EFNA2: variants seen among roughly 807,000 people sequenced by gnomAD.
The protein encoded by EFNA2 is ephrin-A2.
Under a neutral mutation model 19.7 loss-of-function variants are expected in EFNA2, and 18 were observed. That is an observed-to-expected ratio of 0.91 (90% CI 0.63 to 1.35). The LOEUF (loss-of-function observed/expected upper bound fraction) is 1.35. Ranked by LOEUF, EFNA2 falls within the 40% of genes most tolerant of loss-of-function variation. The pLI is 0.00. For synonymous variants in EFNA2, 187 were observed against 137.8 expected, an observed-to-expected ratio of 1.36 and a Z score of -2.50; for missense variants, 303 against 296.0, an observed-to-expected ratio of 1.02 and a Z score of -0.17.
rs2081510463 is a variant in EFNA2 at position 1,295,620 on chromosome 19, C to T, written c.216C>T (p.Tyr72=). The T allele has an allele frequency of 6.2e-7, 1 of 1,611,550 alleles. No homozygotes were observed. Among genetic ancestry groups the T allele is most frequent in the African/African-American group, 1.3e-5 (1 of 74,808 alleles). Residue 72 remains tyrosine (Y), a synonymous_variant, in exon 2 of 4, where the codon TAC becomes TAT. Transcript: ENST00000215368. This position sits in a 1 kb window ranked among gnomAD's most constrained non-coding sequence, Gnocchi z 5.8. ...GCATCAATGACTACCTGGACATCTACTGCCCGCACTATGGGGCGCCGCTGC... is the reference window on the plus strand; with the variant it reads ...GCATCAATGACTACCTGGACATCTATTGCCCGCACTATGGGGCGCCGCTGC... ...EVSINDYLDI[Y]CPHYGAPLPP...
chr19:1,300,119 C>A lies in EFNA2; in HGVS notation c.*174C>A. ...GGCCATCCACCCGCCCCAGGACCAG[C>A]CCTCAGGGAGGGGAAACGGCCGAGA... is the stretch of plus-strand genomic sequence containing the variant. On this transcript the variant is annotated 3_prime_UTR_variant, in exon 4 of 4. Coordinates refer to ENST00000215368, the MANE Select transcript of EFNA2 (RefSeq NM_001405.4). The A allele has an allele frequency of 1.0e-6, 1 of 954,908 alleles. No individual in the cohort carries two copies. Among genetic ancestry groups the A allele is most frequent in the Non-Finnish European group, 1.5e-6 (1 of 685,348 alleles). The allele number at this position is 954,908 out of a possible 1,614,324, so 59.2% of individuals were successfully genotyped here. A position where few individuals can be genotyped will look rare whatever the true frequency, so the allele number is the denominator to read the frequency against.
rs1346654405 is a variant in EFNA2 at position 1,295,954 on chromosome 19, GAGTGGGCGGGGCAGCGC to G, written c.454+109_454+125del. On this transcript the variant is annotated intron_variant, in intron 2 of 3. Coordinates refer to ENST00000215368, the MANE Select transcript of EFNA2 (RefSeq NM_001405.4). The surrounding 1 kb of genome is among the most constrained non-coding windows in gnomAD (Gnocchi z 5.8). ...GCGGGACCACTGGGGTGGGGCCGGG[GAGTGGGCGGGGCAGCGC>G]AGTGGGCGGGGCCGCGGTGTGGGGC... The G allele has an allele frequency of 9.5e-6, 10 of 1,051,786 alleles. No homozygotes were observed. Among genetic ancestry groups the G allele is most frequent in the Admixed American group, 8.1e-5 (2 of 24,718 alleles). The allele number at this position is 1,051,786 out of a possible 1,614,324, so 65.2% of individuals were successfully genotyped here. A position where few individuals can be genotyped will look rare whatever the true frequency, so the allele number is the denominator to read the frequency against.
chr19:1,287,637 G>T lies in EFNA2; in HGVS notation c.140+1329G>T, dbSNP rs1425703035. 6.6e-6 allele frequency among the ~76,000 whole-genome samples: 1 copy of T among 152,084 alleles called. No homozygotes were observed. The highest frequency in any genetic ancestry group is 1.5e-5 in the Non-Finnish European group (1 of 68,002). On this transcript the variant is annotated intron_variant, in intron 1 of 3. Transcript: ENST00000215368. The surrounding 1 kb of genome is among the most constrained non-coding windows in gnomAD (Gnocchi z 6.2). ...ACCCTGGTCAACGGCCTCGGGTCGGGCCCTGGGGGCTGAGGGCAGGGACCC... is the reference window on the plus strand; with the variant it reads ...ACCCTGGTCAACGGCCTCGGGTCGGTCCCTGGGGGCTGAGGGCAGGGACCC...
At chr19:1,298,664 C>A in intron 3 of EFNA2, 48 bp downstream of exon 3, 2 of 1,599,790 alleles carry the variant, frequency 1.3e-6, no homozygotes, top group South Asian at 1.1e-5. Flanking sequence ...ACCCCTGTGT[C>A]CTAAACCCAC....
chr19:1,300,118 G>A lies in EFNA2; in HGVS notation c.*173G>A, dbSNP rs2081534275. 1.0e-6 allele frequency: 1 copy of A among 954,426 alleles called. No individual in the cohort carries two copies. The allele number at this position is 954,426 out of a possible 1,614,324, so 59.1% of individuals were successfully genotyped here. A position where few individuals can be genotyped will look rare whatever the true frequency, so the allele number is the denominator to read the frequency against. ...GGGCCATCCACCCGCCCCAGGACCA[G>A]CCCTCAGGGAGGGGAAACGGCCGAG... is the stretch of plus-strand genomic sequence containing the variant. On this transcript the variant is annotated 3_prime_UTR_variant, in exon 4 of 4. Coordinates refer to ENST00000215368, the MANE Select transcript of EFNA2 (RefSeq NM_001405.4).
At chr19:1,291,610 G>A (rs1329390423) in intron 1 of EFNA2, among the ~76,000 whole-genome samples, 3 of 152,222 alleles carry the variant, frequency 2.0e-5, no homozygotes, top group Non-Finnish European at 4.4e-5. Context: ...GAAGAGAGAT[G>A]CAGACGGGTG....
Position 1,295,879 on chromosome 19 carries a change from G to T in EFNA2, c.454+21G>T, listed in dbSNP as rs368494659. Reference sequence around the variant, plus strand: ...CATCTGTGAGTGGGGTCGGGCCGGGGCTGCCGGGGCCCGAGTGGGCGGGGA... The same window carrying T: ...CATCTGTGAGTGGGGTCGGGCCGGGTCTGCCGGGGCCCGAGTGGGCGGGGA... On this transcript the variant is annotated intron_variant, in intron 2 of 3. Transcript: ENST00000215368. The surrounding 1 kb of genome is among the most constrained non-coding windows in gnomAD (Gnocchi z 5.8). The T allele has an allele frequency of 1.9e-6, 3 of 1,558,498 alleles. No homozygotes were observed. The highest frequency in any genetic ancestry group is 2.6e-6 in the Non-Finnish European group (3 of 1,160,784).
chr19:1,286,392 G>C lies in EFNA2; in HGVS notation c.140+84G>C. ...CCCGGCCTCGCGCCCCCGGAGCTCC[G>C]GGCGCCCCCCACGCGCGCGCCGCCG... On this transcript the variant is annotated intron_variant, in intron 1 of 3. Transcript: ENST00000215368. The surrounding 1 kb of genome is among the most constrained non-coding windows in gnomAD (Gnocchi z 5.6). The C allele has an allele frequency of 1.5e-6, 1 of 664,168 alleles. No individual in the cohort carries two copies. The highest frequency in any genetic ancestry group is 1.9e-6 in the Non-Finnish European group (1 of 540,088). The allele number at this position is 664,168 out of a possible 1,614,324, so 41.1% of individuals were successfully genotyped here.
upstream of EFNA2, among the ~76,000 whole-genome samples, chr19:1,284,846 A>G (rs1036352630): frequency 4.6e-5 from 7 of 152,260 alleles, no homozygotes; most frequent in Non-Finnish European, 1.0e-4. This position sits in a 1 kb window ranked among gnomAD's most constrained non-coding sequence, Gnocchi z 5.3. Context: ...TCAGAGACGT[A>G]CAACACGATC....
chr19:1,295,503 C>T lies in EFNA2; in HGVS notation c.141-42C>T, dbSNP rs1466640730. On this transcript the variant is annotated intron_variant, in intron 1 of 3. Transcript: ENST00000215368. The surrounding 1 kb of genome is among the most constrained non-coding windows in gnomAD (Gnocchi z 5.8). ...CGCGCACCCCGACCCGTGCCCCGTT[C>T]CTCGCTCCGGGCGCTGACCTCTGGC... The T allele has an allele frequency of 1.0e-5, 15 of 1,497,128 alleles. No individual in the cohort carries two copies. The highest frequency in any genetic ancestry group is 1.4e-5 in the African/African-American group (1 of 69,858). The allele number at this position is 1,497,128 out of a possible 1,614,324, so 92.7% of individuals were successfully genotyped here. A position where few individuals can be genotyped will look rare whatever the true frequency, so the allele number is the denominator to read the frequency against.
At chr19:1,289,571 C>T (rs942046554) in intron 1 of EFNA2, among the ~76,000 whole-genome samples, 6 of 152,180 alleles carry the variant, frequency 3.9e-5, no homozygotes, top group Non-Finnish European at 7.4e-5. Flanking sequence ...CTGTGGTCCC[C>T]GGGAGTCCCC....
rs530188185 is a variant in EFNA2, at chr19:1,287,060, C to T, written c.140+752C>T. 1.6e-4 allele frequency among the ~76,000 whole-genome samples: 24 copies of T among 152,334 alleles called. No homozygotes were observed. The highest frequency in any genetic ancestry group is 1.5e-3 in the Admixed American group (23 of 15,310). On this transcript the variant is annotated intron_variant, in intron 1 of 3. Coordinates refer to ENST00000215368, the MANE Select transcript of EFNA2 (RefSeq NM_001405.4). The surrounding 1 kb of genome is among the most constrained non-coding windows in gnomAD (Gnocchi z 6.2). Reference sequence around the variant, plus strand: ...GGCCCAGTGCCCTGCCTGCCACGCCCGGCCGAGATGCCGCACCCGCCTGCT... The same window carrying T: ...GGCCCAGTGCCCTGCCTGCCACGCCTGGCCGAGATGCCGCACCCGCCTGCT...
At chr19:1,284,483 C>A (rs993884368), upstream of EFNA2, among the ~76,000 whole-genome samples, 1 of 152,246 alleles carries the variant, frequency 6.6e-6, no homozygotes, top group African/African-American at 2.4e-5. The surrounding 1 kb of genome is among the most constrained non-coding windows in gnomAD (Gnocchi z 5.3). Flanking sequence ...TGGGACAGAC[C>A]TTTCTGGAAG....
At chr19:1,284,949 G>A (rs1283308197), upstream of EFNA2, among the ~76,000 whole-genome samples, 3 of 152,188 alleles carry the variant, frequency 2.0e-5, no homozygotes, top group African/African-American at 7.2e-5. This position sits in a 1 kb window ranked among gnomAD's most constrained non-coding sequence, Gnocchi z 5.3. Flanking sequence ...CATGAATAAG[G>A]GCAAAAACAG....
At chr19:1,293,013 G>T (rs1311203471) in intron 1 of EFNA2, among the ~76,000 whole-genome samples, 2 of 152,212 alleles carry the variant, frequency 1.3e-5, no homozygotes, top group Non-Finnish European at 2.9e-5. Flanking sequence ...ACTTTCAGAG[G>T]CTGCTCTGTC....
At position 1,287,468 on chromosome 19, in the gene EFNA2, A is replaced by G. The variant is rs1203517385; in HGVS notation, c.140+1160A>G. On this transcript the variant is annotated intron_variant, in intron 1 of 3. Coordinates refer to ENST00000215368, the MANE Select transcript of EFNA2 (RefSeq NM_001405.4). This position sits in a 1 kb window ranked among gnomAD's most constrained non-coding sequence, Gnocchi z 6.2. ...ACCGAGCCGCCCTCTGGAGCCCGCC[A>G]CCCCTCCTTGTCCCCTCTGTCTCCT... 6.6e-6 allele frequency among the ~76,000 whole-genome samples: 1 copy of G among 151,360 alleles called. No individual in the cohort carries two copies. Among genetic ancestry groups the G allele is most frequent in the East Asian group, 2.0e-4 (1 of 5,116 alleles).
At chr19:1,290,838 C>T (rs1600056251) in intron 1 of EFNA2, among the ~76,000 whole-genome samples, 2 of 152,176 alleles carry the variant, frequency 1.3e-5, no homozygotes, top group South Asian at 4.1e-4. Context: ...GAGGAGCAGA[C>T]GAGCCGGCGG....
At position 1,286,177 on chromosome 19, in the gene EFNA2, C is replaced by G; in HGVS notation, c.9C>G (p.Pro3=). The change falls in exon 1 of 4, where the codon CCC becomes CCG. Residue 3 remains proline (P), a synonymous_variant. Coordinates refer to ENST00000215368, the MANE Select transcript of EFNA2 (RefSeq NM_001405.4). The surrounding 1 kb of genome is among the most constrained non-coding windows in gnomAD (Gnocchi z 5.6). The part of the protein sequence containing the change: MA[P]AQRPLLPLLL... ...GCGGCCGGACCGGGGCCATGGCGCCCGCGCAGCGCCCGCTGCTCCCGCTGC... is the reference window on the plus strand; with the variant it reads ...GCGGCCGGACCGGGGCCATGGCGCCGGCGCAGCGCCCGCTGCTCCCGCTGC... The G allele has an allele frequency of 9.9e-7, 1 of 1,007,310 alleles. No homozygotes were observed. The highest frequency in any genetic ancestry group is 1.2e-6 in the Non-Finnish European group (1 of 842,924). The allele number at this position is 1,007,310 out of a possible 1,614,324, so 62.4% of individuals were successfully genotyped here.
In EFNA2 at chr19:1,299,819, C is replaced by T. The variant is rs778548273; in HGVS notation, c.521-5C>T. On this transcript the variant is annotated splice_polypyrimidine_tract_variant and splice_region_variant and intron_variant, in intron 3 of 3. Transcript: ENST00000215368. ...CGCTGAGCGTGCTGTCTCTGCCACCCGCAGACGAGACCCTGTACGAGGCTC... is the reference window on the plus strand; with the variant it reads ...CGCTGAGCGTGCTGTCTCTGCCACCTGCAGACGAGACCCTGTACGAGGCTC... The T allele has an allele frequency of 4.4e-6, 7 of 1,597,590 alleles. No individual in the cohort carries two copies. The highest frequency in any genetic ancestry group is 3.3e-5 in the South Asian group (3 of 89,638).
Sources: gnomAD v4.1 joint callset for allele counts (sites outside exome capture counted in the v4.1 genomes callset) on GRCh38, gnomAD v4.1.1 for gene constraint, Gnocchi (gnomAD v3.1) non-coding constraint, MANE v1.5 for transcripts, NCBI Gene and HGNC (gene_info 2026-07-23, HGNC 2026-07-21) for gene names.